DCAKD: variants seen among roughly 807,000 people sequenced by gnomAD.
DCAKD encodes the protein dephospho-CoA kinase domain containing.
Under a neutral mutation model 18.7 loss-of-function variants are expected in DCAKD, and 15 were observed. That is an observed-to-expected ratio of 0.80 (90% CI 0.54 to 1.24). The LOEUF is 1.24. Among genes scored for constraint, DCAKD ranks in the 50% most tolerant of loss-of-function variants. The pLI is 0.00. For synonymous variants in DCAKD, 130 were observed against 133.0 expected (o/e 0.98, Z 0.16); for missense variants, 301 against 322.0 (o/e 0.93, Z 0.50).
intron 4 of DCAKD, among the ~76,000 whole-genome samples, chr17:45,027,857 G>A (rs1395484724): frequency 6.6e-6 from 1 of 151,888 alleles, no homozygotes; most frequent in African/African-American, 2.4e-5. Context: ...ATGGTGGCGT[G>A]CGCCTGTAAT....
At chr17:45,031,653 C>A (rs938403086) in intron 3 of DCAKD, 26 of 985,266 alleles carry the variant, frequency 2.6e-5, no homozygotes, top group Non-Finnish European at 3.1e-5. Flanking sequence ...TCCTGTTCAG[C>A]TCCCATCACT....
At chr17:45,039,522 GCTGTGGACTGGAAGTGGAAAGTC>G (rs1218395478) in intron 1 of DCAKD, among the ~76,000 whole-genome samples, 8 of 152,242 alleles carry the variant, frequency 5.3e-5, no homozygotes, top group Admixed American at 3.3e-4. Flanking sequence ...AAAATGAAAG[GCTGTGGACTGGAAGTGGAAAGTC>G]CTGGGTCCTG....
chr17:45,057,495 G>A (rs1312504402), intron 1 of DCAKD, among the ~76,000 whole-genome samples: 2 of 151,802 alleles, frequency 1.3e-5, no homozygotes, highest in Non-Finnish European at 2.9e-5. Flanking sequence ...CTGAGCTCAG[G>A]AGTTGGAGAC....
At chr17:45,046,047 G>T (rs999256765) in intron 1 of DCAKD, among the ~76,000 whole-genome samples, 2 of 150,192 alleles carry the variant, frequency 1.3e-5, no homozygotes, top group East Asian at 2.0e-4. Flanking sequence ...GGCTGGTTTC[G>T]AACTCCTGAC....
At chr17:45,031,189 G>C (rs1021392483) in intron 3 of DCAKD, 1 of 985,228 alleles carries the variant, frequency 1.0e-6, no homozygotes, top group Non-Finnish European at 1.2e-6. Flanking sequence ...AATTCCAAGG[G>C]TGTCACGGGA....
At chr17:45,061,004 A>T in exon 1 of DCAKD, 1 of 1,101,394 alleles carries the variant, frequency 9.1e-7, no homozygotes, top group Admixed American at 4.8e-5. Flanking sequence ...CTGAAACCCT[A>T]AACCAGCATC....
chr17:45,060,451 G>A (rs2053837280), intron 1 of DCAKD, among the ~76,000 whole-genome samples: 1 of 152,036 alleles, frequency 6.6e-6, no homozygotes, highest in Non-Finnish European at 1.5e-5. Flanking sequence ...CTTGATTGCA[G>A]TGAGCTGTGA....
chr17:45,044,385 A>AAAG, intron 1 of DCAKD, among the ~76,000 whole-genome samples: 1 of 152,154 alleles, frequency 6.6e-6, no homozygotes, highest in Non-Finnish European at 1.5e-5. Flanking sequence ...AACTGGCTGG[A>AAAG]ATCACCTTAA....
intron 3 of DCAKD, chr17:45,030,933 C>T (rs1268217964): frequency 1.0e-6 from 1 of 977,014 alleles, no homozygotes; most frequent in East Asian, 1.1e-4. Context: ...AAGGGCAGCA[C>T]CCCCACCCAC....
upstream of DCAKD, among the ~76,000 whole-genome samples, chr17:45,054,460 C>CT (rs2053758883): frequency 6.6e-6 from 1 of 152,072 alleles, no homozygotes. Flanking sequence ...GCTGGCCATG[C>CT]TGGTCTCGAA....
intron 1 of DCAKD, among the ~76,000 whole-genome samples, chr17:45,050,258 G>A (rs1567850782): frequency 6.6e-6 from 1 of 152,036 alleles, no homozygotes; most frequent in East Asian, 1.9e-4. Context: ...TGACCAGGCT[G>A]GTCTCGAACT....
At chr17:45,033,266 C>T (rs982437809) in intron 3 of DCAKD, among the ~76,000 whole-genome samples, 2 of 152,190 alleles carry the variant, frequency 1.3e-5, no homozygotes, top group Non-Finnish European at 2.9e-5. Context: ...TGCCAACTGG[C>T]CCCAGGCCTC....
In DCAKD at chr17:45,043,897, C is replaced by T. The variant is rs544048749; in HGVS notation, c.-115+7464G>A. On this transcript the variant is annotated intron_variant, in intron 1 of 4. Transcript: ENST00000651974. ...CACCCTCCATCCAACCCGCAGTGCC[C>T]GGCCAGCGCTACCTCCCACCTGCAC... Among the ~76,000 whole-genome samples, 11 of 152,162 alleles carry T rather than the reference C, an allele frequency of 7.2e-5. No individual in the cohort carries two copies. The East Asian group carries it at 1.4e-3, about 19-fold the overall frequency.
At chr17:45,027,669 C>T (rs1051561640) in intron 4 of DCAKD, among the ~76,000 whole-genome samples, 9 of 152,048 alleles carry the variant, frequency 5.9e-5, no homozygotes, top group African/African-American at 1.4e-4. Flanking sequence ...CCTCTGCTCT[C>T]GGCAAACAGA....
intron 4 of DCAKD, chr17:45,026,751 G>A: frequency 1.0e-6 from 1 of 985,376 alleles, no homozygotes; most frequent in African/African-American, 1.7e-5. Flanking sequence ...TGTGGCCATT[G>A]TGGGGCCAAT....
At position 45,037,394 on chromosome 17, in the gene DCAKD, C is replaced by T. The variant is rs899529113; in HGVS notation, c.-114-2395G>A. Among the ~76,000 whole-genome samples, 8 of 152,062 alleles carry T rather than the reference C, an allele frequency of 5.3e-5. No individual in the cohort carries two copies. In the East Asian group the frequency reaches 1.5e-3, roughly 29 times the overall value. On this transcript the variant is annotated intron_variant, in intron 1 of 4. Coordinates refer to ENST00000651974, the MANE Select transcript of DCAKD (RefSeq NM_001288655.2). ...GACAGGGTTCAGTTGTAAAAACAAACAAACAAAACAAACAAACAAAATGTC... is the reference window on the plus strand; with the variant it reads ...GACAGGGTTCAGTTGTAAAAACAAATAAACAAAACAAACAAACAAAATGTC...
At chr17:45,025,718 G>A (rs1005610935) in intron 4 of DCAKD, among the ~76,000 whole-genome samples, 8 of 150,514 alleles carry the variant, frequency 5.3e-5, no homozygotes, top group Non-Finnish European at 7.4e-5. Context: ...AAATGGAAGG[G>A]TTTGATCACT....
intron 1 of DCAKD, among the ~76,000 whole-genome samples, chr17:45,036,527 AAAAG>A (rs1177978868): frequency 6.6e-6 from 1 of 152,214 alleles, no homozygotes; most frequent in East Asian, 1.9e-4. Context: ...GAGAAAAAAA[AAAAG>A]AAAAAGAAAA....
At chr17:45,040,945 G>A (rs1683080975) in intron 1 of DCAKD, among the ~76,000 whole-genome samples, 1 of 152,112 alleles carries the variant, frequency 6.6e-6, no homozygotes, top group African/African-American at 2.4e-5. Context: ...TCCTCTGGCA[G>A]TGTTTCTCTT....
Sources: allele counts gnomAD v4.1 joint callset (sites outside exome capture counted in the v4.1 genomes callset), GRCh38; gene constraint gnomAD v4.1.1; transcripts MANE v1.5; gene names NCBI Gene and HGNC (gene_info 2026-07-23, HGNC 2026-07-21).